Variants in APOBEC1 observed in about 807,000 individuals in gnomAD.
APOBEC1 encodes apolipoprotein B mRNA editing enzyme catalytic subunit 1.
Under a neutral mutation model 26.3 loss-of-function variants are expected in APOBEC1, and 22 were observed. The observed-to-expected ratio is 0.84, with a 90% CI of 0.60 to 1.19. The LOEUF (loss-of-function observed/expected upper bound fraction) is 1.19, where lower values mean the gene tolerates loss of function less well. APOBEC1 is among the 50% of genes most tolerant of loss of function. APOBEC1 has a pLI of 0.00. For missense variants in APOBEC1, 253 were observed against 289.0 expected, an observed-to-expected ratio of 0.88 and a Z score of 0.90; for synonymous variants, 77 against 95.3, an observed-to-expected ratio of 0.81 and a Z score of 1.12.
At chr12:7,651,922 G>T (rs12297895) in intron 3 of APOBEC1, among the ~76,000 whole-genome samples, 1 of 150,112 alleles carries the variant, frequency 6.7e-6, no homozygotes, top group Non-Finnish European at 1.5e-5. Flanking sequence ...CCGGGTTCAC[G>T]CCATTCTCCT....
intron 3 of APOBEC1, among the ~76,000 whole-genome samples, chr12:7,652,221 G>T (rs1267726626): frequency 6.6e-6 from 1 of 152,288 alleles, no homozygotes; most frequent in African/African-American, 2.4e-5. Context: ...GCCTCCCAAA[G>T]TTCTGGGATT....
At chr12:7,663,586 T>G (rs11055095) in intron 1 of APOBEC1, among the ~76,000 whole-genome samples, 57,851 of 151,908 alleles carry the variant, frequency 0.38, 12,509 homozygotes, top group Non-Finnish European at 0.51. Context: ...GGCCACATCA[T>G]AGGAAAAAGG....
intron 1 of APOBEC1, among the ~76,000 whole-genome samples, chr12:7,658,642 A>G (rs1863750313): frequency 6.6e-6 from 1 of 152,184 alleles, no homozygotes; most frequent in South Asian, 2.1e-4. Flanking sequence ...TCTCAAGCTA[A>G]TATTTTTAAA....
Position 7,665,862 on chromosome 12 carries a change from T to C in APOBEC1, c.11A>G (p.Glu4Gly). MTS[E>G]KGPSTGDPTL... ...AGCCCCCGGATCCATTTTACCTTTC[T>C]CAGAAGTCATGGTGCTCTGTCTCTG... Residue 4 changes from glutamate (E) to glycine (G), a missense_variant, in exon 1 of 5, where the codon GAG (glutamate) becomes GGG (glycine). Glu to Gly is a moderately conservative substitution (Grantham distance 98). Transcript: ENST00000229304. The C allele has an allele frequency of 2.5e-6, 4 of 1,613,150 alleles. No homozygotes were observed. Among genetic ancestry groups the C allele is most frequent in the African/African-American group, 1.3e-5 (1 of 74,780 alleles).
Position 7,651,884 on chromosome 12 carries a change from G to C in APOBEC1, c.442+554C>G, listed in dbSNP as rs376207244. On this transcript the variant is annotated intron_variant, in intron 3 of 4. Transcript: ENST00000229304. Reference sequence around the variant, plus strand: ...CGCCCAGGCTGGAGTGCAGTGGCGCGATCTCGGCTCACTGCAAGCTCCGCC... The same window carrying C: ...CGCCCAGGCTGGAGTGCAGTGGCGCCATCTCGGCTCACTGCAAGCTCCGCC... 8.6e-5 allele frequency among the ~76,000 whole-genome samples: 13 copies of C among 150,418 alleles called. No homozygotes were observed. The East Asian group carries it at 9.9e-4, about 11-fold the overall frequency.
intron 1 of APOBEC1, among the ~76,000 whole-genome samples, chr12:7,660,334 G>GGAAGGGAAGGAAGGAA (rs1555094860): frequency 5.6e-5 from 2 of 35,754 alleles, no homozygotes; most frequent in Non-Finnish European, 1.4e-4. Flanking sequence ...AAGGAAGGAA[G>GGAAGGGAAGGAAGGAA]GGAAGGAAGG....
upstream of APOBEC1, among the ~76,000 whole-genome samples, chr12:7,666,598 G>A (rs1379149039): frequency 6.6e-6 from 1 of 151,928 alleles, no homozygotes; most frequent in Non-Finnish European, 1.5e-5. Context: ...CCTAGCCTAG[G>A]ATGCATCATT....
intron 1 of APOBEC1, among the ~76,000 whole-genome samples, chr12:7,656,594 A>G (rs1409019226): frequency 1.3e-5 from 2 of 152,204 alleles, no homozygotes; most frequent in African/African-American, 2.4e-5. Flanking sequence ...CTAGGGTCAG[A>G]GAAAAATGGG....
chr12:7,659,479 G>A (rs1275975285), intron 1 of APOBEC1, among the ~76,000 whole-genome samples: 2 of 150,812 alleles, frequency 1.3e-5, no homozygotes, highest in Non-Finnish European at 3.0e-5. Flanking sequence ...AAACCACAAT[G>A]AGATATTCCT....
chr12:7,658,353 C>T (rs568796144), intron 1 of APOBEC1, among the ~76,000 whole-genome samples: 30 of 152,170 alleles, frequency 2.0e-4, no homozygotes, highest in East Asian at 1.9e-4. Flanking sequence ...CGTGAGCCAC[C>T]GTGCCCGGCC....
intron 3 of APOBEC1, 69 bp downstream of exon 3, chr12:7,652,369 G>A: frequency 3.5e-6 from 5 of 1,416,114 alleles, no homozygotes; most frequent in Non-Finnish European, 4.8e-6. Flanking sequence ...CCAATCTTCT[G>A]GCCTAAAAAC....
chr12:7,651,101 A>G lies in APOBEC1; in HGVS notation c.483T>C (p.Pro161=), dbSNP rs1325469064. The G allele has an allele frequency of 1.2e-6, 2 of 1,614,146 alleles. No individual in the cohort carries two copies. Among genetic ancestry groups the G allele is most frequent in the East Asian group, 4.5e-5 (2 of 44,876 alleles). Residue 161 remains proline, a synonymous_variant, in exon 4 of 5, where the codon CCT becomes CCC. Coordinates refer to ENST00000229304, the MANE Select transcript of APOBEC1 (RefSeq NM_001644.5). The part of the protein sequence containing the change: ...HCWRNFVNYP[P]GDEAHWPQYP... ...ATTGTGGCCAGTGAGCTTCATCCCC[A>G]GGTGGGTAGTTGACAAAATTCCTCC...
At chr12:7,666,968 A>G (rs185726521), upstream of APOBEC1, among the ~76,000 whole-genome samples, 45 of 150,660 alleles carry the variant, frequency 3.0e-4, no homozygotes, top group Admixed American at 4.0e-4. Flanking sequence ...CTGAAGTGCA[A>G]TGGCGCGATC....
At position 7,649,494 on chromosome 12, in the gene APOBEC1, A is replaced by G. The variant is rs1403783672; in HGVS notation, c.*53T>C. ...AGATTCTAAATGGCATTCACTCTTT[A>G]GTGGGTCATCATTGCTTGTTCTTGA... On this transcript the variant is annotated 3_prime_UTR_variant, in exon 5 of 5. Transcript: ENST00000229304. 1.3e-6 allele frequency: 2 copies of G among 1,579,102 alleles called. No individual in the cohort carries two copies. Among genetic ancestry groups the G allele is most frequent in the African/African-American group, 2.7e-5 (2 of 73,982 alleles).
chr12:7,654,856 G>A (rs1221196152), intron 1 of APOBEC1, among the ~76,000 whole-genome samples: 1 of 152,114 alleles, frequency 6.6e-6, no homozygotes, highest in Non-Finnish European at 1.5e-5. Context: ...CCCAAACAAG[G>A]TAGTCTGCCT....
upstream of APOBEC1, among the ~76,000 whole-genome samples, chr12:7,667,290 G>A (rs1257642642): frequency 6.6e-6 from 1 of 151,898 alleles, no homozygotes; most frequent in African/African-American, 2.4e-5. Flanking sequence ...CTGAACCCTG[G>A]GTCAAGTTCA....
intron 1 of APOBEC1, among the ~76,000 whole-genome samples, chr12:7,656,818 G>A (rs2136844825): frequency 6.6e-6 from 1 of 152,272 alleles, no homozygotes; most frequent in African/African-American, 2.4e-5. Context: ...TGTTATTACG[G>A]CAGCCTTTCA....
At chr12:7,667,426 C>G (rs997888967), upstream of APOBEC1, among the ~76,000 whole-genome samples, 7 of 152,062 alleles carry the variant, frequency 4.6e-5, no homozygotes, top group African/African-American at 1.7e-4. Flanking sequence ...GCCCCATGAA[C>G]CTGAAACCCG....
chr12:7,649,807 CTTT>C, intron 4 of APOBEC1, 111 bp from the exon 5 acceptor site: 2 of 728,902 alleles, frequency 2.7e-6, no homozygotes, highest in Non-Finnish European at 2.0e-6. Flanking sequence ...ACTATTTCTT[CTTT>C]TTTTTTTTTC....
Sources: allele counts gnomAD v4.1 joint callset (sites outside exome capture counted in the v4.1 genomes callset), GRCh38; gene constraint gnomAD v4.1.1; transcripts MANE v1.5; gene names NCBI Gene and HGNC (gene_info 2026-07-23, HGNC 2026-07-21).